The following VRK2 variants were observed in gnomAD, a reference collection of about 807,000 sequenced individuals.
VRK2 encodes the protein VRK serine/threonine kinase 2.
VRK2 carries 60 observed loss-of-function variants against 57.6 expected under a neutral mutation model. That is an observed-to-expected ratio of 1.04 (90% CI 0.85 to 1.29). The LOEUF is 1.29. VRK2 is among the 50% of genes most tolerant of loss of function. The pLI, the probability that VRK2 is intolerant of heterozygous loss-of-function variation, is 0.00. For synonymous variants in VRK2, 231 were observed against 199.2 expected, an observed-to-expected ratio of 1.16 and a Z score of -1.35; for missense variants, 705 against 588.1, an observed-to-expected ratio of 1.20 and a Z score of -2.06.
intron 1 of VRK2, among the ~76,000 whole-genome samples, chr2:57,919,334 C>A (rs984623663): frequency 1.3e-5 from 2 of 151,942 alleles, no homozygotes; most frequent in African/African-American, 2.4e-5. Context: ...AACAATATTT[C>A]TCTTAAAAAG....
chr2:58,039,373 T>C (rs1226713954), intron 3 of VRK2, among the ~76,000 whole-genome samples: 1 of 152,014 alleles, frequency 6.6e-6, no homozygotes, highest in Non-Finnish European at 1.5e-5. Flanking sequence ...AGAGCAGCTG[T>C]TCTCCACAAA....
chr2:58,043,689 C>T (rs969671603), upstream of VRK2, among the ~76,000 whole-genome samples: 6 of 152,152 alleles, frequency 3.9e-5, no homozygotes, highest in African/African-American at 1.4e-4. Flanking sequence ...TATGAAGCTG[C>T]TCTAAAGATT....
At chr2:57,975,972 T>C (rs577414118) in intron 1 of VRK2, among the ~76,000 whole-genome samples, 1 of 152,032 alleles carries the variant, frequency 6.6e-6, no homozygotes, top group African/African-American at 2.4e-5. Flanking sequence ...TGTGTCCACA[T>C]GCAATCAACG....
At chr2:58,015,608 ATTG>A (rs752040137) in intron 1 of VRK2, among the ~76,000 whole-genome samples, 1 of 152,186 alleles carries the variant, frequency 6.6e-6, no homozygotes, top group Non-Finnish European at 1.5e-5. Context: ...AAGTATTTAA[ATTG>A]TTATCATACA....
chr2:58,052,378 C>G (rs890533029), intron 2 of VRK2, among the ~76,000 whole-genome samples: 8 of 151,960 alleles, frequency 5.3e-5, no homozygotes, highest in African/African-American at 1.9e-4. Context: ...TTTGGAAGGC[C>G]CAGGCGGGTG....
chr2:57,957,260 TTTAAA>T (rs1334894645), intron 1 of VRK2, among the ~76,000 whole-genome samples: 1 of 152,186 alleles, frequency 6.6e-6, no homozygotes, highest in African/African-American at 2.4e-5. Context: ...CTCACTGTAC[TTTAAA>T]TTAATTTTCT....
chr2:57,934,274 C>G (rs1358508120), intron 1 of VRK2, among the ~76,000 whole-genome samples: 1 of 152,096 alleles, frequency 6.6e-6, no homozygotes, highest in Admixed American at 6.5e-5. Context: ...GCCCTTGAAT[C>G]AGGTTGAAGA....
chr2:57,994,624 C>T (rs1040273765), intron 1 of VRK2, among the ~76,000 whole-genome samples: 3 of 152,062 alleles, frequency 2.0e-5, no homozygotes, highest in African/African-American at 4.8e-5. Context: ...CAATACCAGC[C>T]GTTCCCAAAT....
chr2:57,926,112 T>C (rs1231641124), intron 1 of VRK2, among the ~76,000 whole-genome samples: 1 of 151,998 alleles, frequency 6.6e-6, no homozygotes, highest in Non-Finnish European at 1.5e-5. Flanking sequence ...TAATTTCTTT[T>C]TTTTATTTTT....
chr2:58,155,551 G>C (rs1314780527), intron 12 of VRK2, among the ~76,000 whole-genome samples: 1 of 152,054 alleles, frequency 6.6e-6, no homozygotes, highest in Non-Finnish European at 1.5e-5. Context: ...GGTTGTCAGA[G>C]CTCTATCTCA....
chr2:58,016,629 G>C, intron 1 of VRK2, among the ~76,000 whole-genome samples: 1 of 152,206 alleles, frequency 6.6e-6, no homozygotes, highest in Middle Eastern at 3.4e-3. Context: ...AAAAGTGCTG[G>C]GATTACAGCC....
At chr2:57,960,141 C>A (rs1300827964) in intron 1 of VRK2, among the ~76,000 whole-genome samples, 2 of 152,020 alleles carry the variant, frequency 1.3e-5, no homozygotes, top group Non-Finnish European at 1.5e-5. Flanking sequence ...TGCTTCCGTG[C>A]CCCTGTGTAA....
intron 1 of VRK2, among the ~76,000 whole-genome samples, chr2:57,984,683 T>C (rs1192354568): frequency 6.6e-6 from 1 of 152,084 alleles, no homozygotes; most frequent in Non-Finnish European, 1.5e-5. Context: ...ATATGCTCAG[T>C]ACATTGACAT....
intron 2 of VRK2, among the ~76,000 whole-genome samples, chr2:58,072,356 A>G (rs895830004): frequency 6.6e-6 from 1 of 151,968 alleles, no homozygotes; most frequent in Non-Finnish European, 1.5e-5. Flanking sequence ...CAGTCTTAAG[A>G]TGAAAGCATC....
chr2:58,068,882 T>C (rs963984723), intron 2 of VRK2, among the ~76,000 whole-genome samples: 2 of 152,076 alleles, frequency 1.3e-5, no homozygotes, highest in African/African-American at 2.4e-5. Flanking sequence ...TGATTCTTTT[T>C]TGTATTTTCT....
intron 7 of VRK2, among the ~76,000 whole-genome samples, chr2:58,114,138 T>C (rs1676048109): frequency 6.6e-6 from 1 of 152,036 alleles, no homozygotes; most frequent in South Asian, 2.1e-4. Context: ...ATTGAAAAAC[T>C]AAATGGAATA....
chr2:58,068,777 A>T (rs1321795874), intron 2 of VRK2, among the ~76,000 whole-genome samples: 1 of 142,120 alleles, frequency 7.0e-6, no homozygotes. Flanking sequence ...ACTTTTTCTT[A>T]TGTCATCTCC....
At chr2:57,908,215 A>T (rs1019750715) in intron 1 of VRK2, among the ~76,000 whole-genome samples, 3 of 152,204 alleles carry the variant, frequency 2.0e-5, no homozygotes, top group African/African-American at 7.2e-5. Flanking sequence ...TCTTGGGTTG[A>T]TTCTTCTAGT....
chr2:58,077,639 A>G lies in VRK2; in HGVS notation c.137-6450A>G, dbSNP rs533646845. Among the ~76,000 whole-genome samples, 237 of 152,208 alleles carry G rather than the reference A, an allele frequency of 1.6e-3. 2 individuals are homozygous for G. The highest frequency in any genetic ancestry group is 5.6e-3 in the African/African-American group (231 of 41,554). On this transcript the variant is annotated intron_variant, in intron 2 of 12. Coordinates refer to ENST00000340157, the MANE Select transcript of VRK2 (RefSeq NM_006296.7). ...GATATTTCCATAATAATCAAAGCAT[A>G]GTAATTTTCTGGGAGACTTCTCACT...
Sources: gnomAD v4.1 joint callset for allele counts (sites outside exome capture counted in the v4.1 genomes callset) on GRCh38, gnomAD v4.1.1 for gene constraint, MANE v1.5 for transcripts, NCBI Gene and HGNC (gene_info 2026-07-23, HGNC 2026-07-21) for gene names.